The following SEMA6D variants were observed in gnomAD, a reference collection of about 807,000 sequenced individuals.
The protein encoded by SEMA6D is semaphorin 6D.
A neutral mutation model predicts 106.6 loss-of-function variants in SEMA6D; 35 were observed. The observed-to-expected ratio is 0.33, with a 90% confidence interval of 0.25 to 0.44. The LOEUF (loss-of-function observed/expected upper bound fraction) is 0.44, where lower values mean the gene tolerates loss of function less well. Among genes scored for constraint, SEMA6D ranks in the 20% least tolerant of loss-of-function variants. The probability of loss-of-function intolerance (pLI) is 1.00; values close to 1 mark genes in which losing one functional copy is unlikely to be tolerated. For synonymous variants in SEMA6D, 499 were observed against 487.7 expected (o/e 1.02, Z -0.31); for missense variants, 1,185 against 1,345.9 (o/e 0.88, Z 1.87).
chr15:47,764,439 C>A, intron 11 of SEMA6D, 134 bp downstream of exon 11: 1 of 1,283,064 alleles, frequency 7.8e-7, no homozygotes, highest in Non-Finnish European at 1.1e-6. Flanking sequence ...AGCCAGCAGA[C>A]ATAGCCTTGT....
intron 17 of SEMA6D, 97 bp downstream of exon 17, chr15:47,767,190 C>T: frequency 1.3e-6 from 1 of 771,022 alleles, no homozygotes; most frequent in Non-Finnish European, 2.1e-6. Flanking sequence ...AGTTTGGCAG[C>T]CCTTCATTTT....
intron 1 of SEMA6D, among the ~76,000 whole-genome samples, chr15:47,214,914 A>G (rs567388184): frequency 5.9e-5 from 9 of 152,154 alleles, no homozygotes; most frequent in African/African-American, 2.2e-4. Context: ...TTTGGCTAAT[A>G]TAGTATCATC....
intron 1 of SEMA6D, among the ~76,000 whole-genome samples, chr15:47,731,326 G>A (rs550404975): frequency 2.4e-4 from 35 of 145,394 alleles, no homozygotes; most frequent in South Asian, 4.6e-4. Flanking sequence ...CCCCGCCCCC[G>A]GTTGAACACA....
rs2037219688 is a variant in SEMA6D at position 47,328,534 on chromosome 15, C to T, written c.-238-83859C>T. On this transcript the variant is annotated intron_variant, in intron 1 of 19. Coordinates refer to the SEMA6D transcript ENST00000558014. ...ACCTCAACTGCTGTAGATGAAGGGG[C>T]AGCATTTGCTCTAGATCCTCATCAC... Among the ~76,000 whole-genome samples, 5 of 152,320 alleles carry T rather than the reference C, an allele frequency of 3.3e-5. 1 individual carries two copies. In the South Asian group the frequency reaches 1.0e-3, roughly 32 times the overall value.
At chr15:47,401,628 C>A (rs1489123251) in intron 1 of SEMA6D, among the ~76,000 whole-genome samples, 3 of 152,146 alleles carry the variant, frequency 2.0e-5, no homozygotes, top group Non-Finnish European at 4.4e-5. Context: ...ACACTGTTTC[C>A]CAAGAATGCT....
intron 1 of SEMA6D, among the ~76,000 whole-genome samples, chr15:47,370,058 A>T (rs1328045136): frequency 6.6e-6 from 1 of 152,162 alleles, no homozygotes; most frequent in Non-Finnish European, 1.5e-5. Flanking sequence ...TCACACATAA[A>T]CCAACTGAGT....
intron 1 of SEMA6D, among the ~76,000 whole-genome samples, chr15:47,244,500 G>C (rs1297078765): frequency 6.6e-6 from 1 of 152,094 alleles, no homozygotes; most frequent in African/African-American, 2.4e-5. Context: ...TCAGAACAAT[G>C]TTGTGATAAA....
At chr15:47,440,126 G>C (rs1006734242) in intron 2 of SEMA6D, among the ~76,000 whole-genome samples, 1 of 150,114 alleles carries the variant, frequency 6.7e-6, no homozygotes, top group African/African-American at 2.5e-5. Flanking sequence ...AGTTGTGCAC[G>C]TGTTAGAGAC....
At chr15:47,646,403 A>C (rs1407532611) in intron 4 of SEMA6D, among the ~76,000 whole-genome samples, 2 of 152,208 alleles carry the variant, frequency 1.3e-5, no homozygotes, top group African/African-American at 4.8e-5. Context: ...ATGAGAACGG[A>C]CTGAACGCAT....
chr15:47,467,056 A>T (rs2042685582), intron 2 of SEMA6D, among the ~76,000 whole-genome samples: 1 of 151,964 alleles, frequency 6.6e-6, no homozygotes, highest in Non-Finnish European at 1.5e-5. Context: ...AGGTACCTTG[A>T]CACCTTTTTC....
chr15:47,289,409 A>AG (rs2035506975), intron 1 of SEMA6D, among the ~76,000 whole-genome samples: 1 of 151,532 alleles, frequency 6.6e-6, no homozygotes, highest in South Asian at 2.1e-4. Context: ...AAAAAAAAAA[A>AG]AAAAAAAGAA....
intron 2 of SEMA6D, among the ~76,000 whole-genome samples, chr15:47,449,561 G>A (rs544523090): frequency 6.6e-6 from 1 of 152,060 alleles, no homozygotes; most frequent in East Asian, 1.9e-4. Context: ...TCCATTTATG[G>A]GGCTGACATA....
intron 1 of SEMA6D, among the ~76,000 whole-genome samples, chr15:47,752,006 G>A (rs140436014): frequency 3.9e-5 from 6 of 152,262 alleles, no homozygotes; most frequent in Non-Finnish European, 8.8e-5. Context: ...GAGACAGAGT[G>A]TTAGAAGCAC....
chr15:47,551,528 G>A (rs1160270236), intron 3 of SEMA6D, among the ~76,000 whole-genome samples: 1 of 152,148 alleles, frequency 6.6e-6, no homozygotes, highest in Non-Finnish European at 1.5e-5. Flanking sequence ...TAAAAGAAGA[G>A]GGGAGAATGA....
chr15:47,392,723 A>G (rs1294240694), intron 1 of SEMA6D, among the ~76,000 whole-genome samples: 2 of 152,180 alleles, frequency 1.3e-5, no homozygotes, highest in African/African-American at 4.8e-5. Context: ...TTTGGCCACT[A>G]ACTTTGTGAT....
At chr15:47,255,274 G>C (rs1020243525) in intron 1 of SEMA6D, among the ~76,000 whole-genome samples, 2 of 151,920 alleles carry the variant, frequency 1.3e-5, no homozygotes, top group African/African-American at 4.8e-5. Flanking sequence ...TATTACTGTG[G>C]TGTCAGTTTT....
At chr15:47,314,849 CTTTTTTTTTTTTTTTTTTTTT>C (rs1173992222) in intron 1 of SEMA6D, among the ~76,000 whole-genome samples, 35 of 83,922 alleles carry the variant, frequency 4.2e-4, no homozygotes, top group African/African-American at 1.6e-3. Context: ...TCTAGGTTTT[CTTTTTTTTTTTTTTTTTTTTT>C]TTTTTTTTTT....
chr15:47,552,430 A>T (rs2045725316), intron 3 of SEMA6D, among the ~76,000 whole-genome samples: 1 of 151,508 alleles, frequency 6.6e-6, no homozygotes, highest in Non-Finnish European at 1.5e-5. Context: ...AAAAGGAAAG[A>T]AAGTATGAGC....
chr15:47,326,986 A>G (rs2037158616), intron 1 of SEMA6D, among the ~76,000 whole-genome samples: 1 of 152,182 alleles, frequency 6.6e-6, no homozygotes, highest in Non-Finnish European at 1.5e-5. Context: ...TTTTATGCCA[A>G]TTCATTCCTG....
Sources: gnomAD v4.1 joint callset for allele counts (sites outside exome capture counted in the v4.1 genomes callset) on GRCh38, gnomAD v4.1.1 for gene constraint, MANE v1.5 for transcripts, NCBI Gene and HGNC (gene_info 2026-07-23, HGNC 2026-07-21) for gene names.